FARP1: variants seen among roughly 807,000 people sequenced by gnomAD.
FARP1 encodes FERM, ARHGEF and pleckstrin domain-containing protein 1.
In FARP1, 52 loss-of-function variants were observed where a neutral mutation model predicts 128.8. The observed-to-expected ratio is 0.40, with a 90% confidence interval of 0.32 to 0.51. FARP1 has a LOEUF of 0.51. Ranked by LOEUF, FARP1 falls within the 20% of genes least tolerant of loss-of-function variation. The pLI is 0.45. For missense variants in FARP1, 1,333 were observed against 1,367.9 expected (o/e 0.97, Z 0.40); for synonymous variants, 580 against 551.8 (o/e 1.05, Z -0.72).
chr13:98,317,985 T>C (rs1335256741), intron 2 of FARP1, among the ~76,000 whole-genome samples: 1 of 146,504 alleles, frequency 6.8e-6, no homozygotes, highest in Non-Finnish European at 1.5e-5. Flanking sequence ...CCTCTCTCCT[T>C]CCTCTTCCTC....
chr13:98,409,463 A>T lies in FARP1; in HGVS notation c.1540A>T (p.Ser514Cys), dbSNP rs1891107394. Residue 514 changes from serine to cysteine, a missense_variant, in exon 14 of 27, where the codon AGC becomes TGC. Ser to Cys is a moderately radical substitution (Grantham distance 112, BLOSUM62 -1). Coordinates refer to ENST00000319562, the MANE Select transcript of FARP1 (RefSeq NM_005766.4). ...CACCAAGCAGGCCTCTCCCTTGATC[A>T]GCCCGCTGCTGAATGACCAGGCCTG... ...PDTKQASPLI[S>C]PLLNDQACPR... The T allele has an allele frequency of 1.2e-6, 2 of 1,613,884 alleles. No individual in the cohort carries two copies. The highest frequency in any genetic ancestry group is 1.7e-6 in the Non-Finnish European group (2 of 1,180,002).
At chr13:98,427,509 T>C (rs1297471546) in intron 17 of FARP1, among the ~76,000 whole-genome samples, 1 of 152,196 alleles carries the variant, frequency 6.6e-6, no homozygotes, top group Non-Finnish European at 1.5e-5. Flanking sequence ...TGTGGGCCTT[T>C]GGGGACAGCA....
At chr13:98,152,614 A>G (rs1180356394) in intron 1 of FARP1, among the ~76,000 whole-genome samples, 1 of 152,218 alleles carries the variant, frequency 6.6e-6, no homozygotes, top group Non-Finnish European at 1.5e-5. Context: ...ACCAGATAAT[A>G]TGTGAATTCA....
chr13:98,288,009 C>T (rs1250931162), intron 2 of FARP1, among the ~76,000 whole-genome samples: 1 of 152,084 alleles, frequency 6.6e-6, no homozygotes, highest in Admixed American at 6.5e-5. Flanking sequence ...ACCATCTTGG[C>T]CAGGATGGTC....
At position 98,228,984 on chromosome 13, in the gene FARP1, T is replaced by C. The variant is rs898574719; in HGVS notation, c.171+15571T>C. ...TTATTCTTTTTAACAAATACAAGAT[T>C]ACAGAATCTTTTAATATTTGTATAA... On this transcript the variant is annotated intron_variant, in intron 2 of 26. Coordinates refer to ENST00000319562, the MANE Select transcript of FARP1 (RefSeq NM_005766.4). Among the ~76,000 whole-genome samples, 10 of 152,234 alleles carry C rather than the reference T, an allele frequency of 6.6e-5. 1 individual carries two copies. Among genetic ancestry groups the C allele is most frequent in the Admixed American group, 6.5e-4 (10 of 15,280 alleles).
intron 2 of FARP1, among the ~76,000 whole-genome samples, chr13:98,273,097 G>A (rs1024540830): frequency 6.6e-6 from 1 of 152,194 alleles, no homozygotes; most frequent in Non-Finnish European, 1.5e-5. Flanking sequence ...GTGAAGACAT[G>A]AATCAATACA....
intron 2 of FARP1, among the ~76,000 whole-genome samples, chr13:98,297,608 C>T (rs986918012): frequency 6.6e-6 from 1 of 152,148 alleles, no homozygotes; most frequent in Non-Finnish European, 1.5e-5. Flanking sequence ...GAAGATCTGC[C>T]TGATTCTCTT....
chr13:98,219,608 C>T (rs780635192), intron 2 of FARP1, among the ~76,000 whole-genome samples: 16 of 152,084 alleles, frequency 1.1e-4, no homozygotes, highest in African/African-American at 3.6e-4. Context: ...ATTGGGATGA[C>T]GGGCATGAGC....
chr13:98,356,548 T>C (rs1415916868), intron 3 of FARP1, among the ~76,000 whole-genome samples: 3 of 152,170 alleles, frequency 2.0e-5, no homozygotes, highest in African/African-American at 7.2e-5. Context: ...TTATTAAGTG[T>C]ATAAATATTT....
rs538165884 is a variant in FARP1, at chr13:98,259,811, C to T, written c.171+46398C>T. 8.0e-5 allele frequency among the ~76,000 whole-genome samples: 12 copies of T among 149,698 alleles called. No individual in the cohort carries two copies. In the East Asian group the frequency reaches 2.2e-3, roughly 27 times the overall value. ...AAACATCAGGATCCAAGATTCAGGT[C>T]GGATGAAGGGAAGGTGGCCTGTAGA... On this transcript the variant is annotated intron_variant, in intron 2 of 26. Transcript: ENST00000319562.
chr13:98,439,050 G>C, intron 20 of FARP1, 57 bp from the exon 21 acceptor site: 2 of 1,479,428 alleles, frequency 1.4e-6, no homozygotes, highest in East Asian at 2.3e-5. Flanking sequence ...GGGAATGCTG[G>C]AGGGAAGCCT....
Position 98,312,764 on chromosome 13 carries a change from A to G in FARP1, c.172-30998A>G, listed in dbSNP as rs1294110114. 2.0e-5 allele frequency among the ~76,000 whole-genome samples: 3 copies of G among 152,062 alleles called. No individual in the cohort carries two copies. The East Asian group carries it at 5.8e-4, about 29-fold the overall frequency. On this transcript the variant is annotated intron_variant, in intron 2 of 26. Transcript: ENST00000319562. ...CCTCTCCTGCATAAGAACCATCACAACAGAGCCGCGGCGTTTTCTTGAGTC... is the reference window on the plus strand; with the variant it reads ...CCTCTCCTGCATAAGAACCATCACAGCAGAGCCGCGGCGTTTTCTTGAGTC...
At chr13:98,411,659 C>G (rs1891198817) in intron 15 of FARP1, among the ~76,000 whole-genome samples, 1 of 152,210 alleles carries the variant, frequency 6.6e-6, no homozygotes, top group Admixed American at 6.5e-5. Flanking sequence ...CTGGCTTTAA[C>G]AGTCAATGGG....
At chr13:98,232,779 A>G (rs1882204885) in intron 2 of FARP1, among the ~76,000 whole-genome samples, 1 of 152,230 alleles carries the variant, frequency 6.6e-6, no homozygotes, top group African/African-American at 2.4e-5. Context: ...AGGTATGCCT[A>G]GATATCTGTT....
rs990225718 is a variant in FARP1 at position 98,218,003 on chromosome 13, C to T, written c.171+4590C>T. 5.3e-5 allele frequency among the ~76,000 whole-genome samples: 8 copies of T among 152,182 alleles called. No individual in the cohort carries two copies. In the South Asian group the frequency reaches 1.0e-3, roughly 20 times the overall value. On this transcript the variant is annotated intron_variant, in intron 2 of 26. Coordinates refer to ENST00000319562, the MANE Select transcript of FARP1 (RefSeq NM_005766.4). ...GTGGGGCTGGGATTGGAGTCCGGCC[C>T]GCCAGACCCTCAACTTACCCATCTT... is the stretch of plus-strand genomic sequence containing the variant.
chr13:98,431,369 C>CTGG, intron 18 of FARP1, 89 bp downstream of exon 18: 1 of 878,084 alleles, frequency 1.1e-6, no homozygotes, highest in Non-Finnish European at 1.7e-6. Flanking sequence ...GAGGGGCTCC[C>CTGG]CGGGGAGAGA....
chr13:98,326,976 T>C (rs1287856059), intron 2 of FARP1, among the ~76,000 whole-genome samples: 5 of 152,226 alleles, frequency 3.3e-5, no homozygotes, highest in Non-Finnish European at 1.5e-5. Flanking sequence ...TGTTTATAAA[T>C]GTGGGCCAAA....
rs1374117100 is a variant in FARP1 at position 98,390,083 on chromosome 13, C to G, written c.982C>G (p.Pro328Ala). The G allele has an allele frequency of 6.2e-7, 1 of 1,614,204 alleles. No homozygotes were observed. The highest frequency in any genetic ancestry group is 1.7e-5 in the Admixed American group (1 of 60,026). ...TGAAGAGCCCAAACCAAAGCCCAAG[C>G]CCGTCCTCTTTAGCCGGGGGTCATC... ...LFEEPKPKPK[P>A]VLFSRGSSFR... is the part of the protein sequence containing the mutation. The change falls in exon 10 of 27, where the codon CCC becomes GCC. Residue 328 changes from proline (P) to alanine (A), a missense_variant. Around this residue, in one of 2 missense-constraint regions of FARP1, gnomAD observed 1,009 missense variants for 969.8 expected, o/e 1.04. Transcript: ENST00000319562.
intron 2 of FARP1, chr13:98,334,319 A>G (rs572586205): frequency 6.6e-6 from 1 of 152,334 alleles, no homozygotes; most frequent in East Asian, 1.9e-4. Flanking sequence ...CACAGATGTT[A>G]CTGCTGATGT....
Sources: allele counts gnomAD v4.1 joint callset (sites outside exome capture counted in the v4.1 genomes callset), GRCh38; gene constraint gnomAD v4.1.1; regional missense constraint gnomAD v4.1.1; transcripts MANE v1.5; gene names NCBI Gene and HGNC (gene_info 2026-07-23, HGNC 2026-07-21).